TRPC3: variants seen among roughly 807,000 people sequenced by gnomAD.
TRPC3 encodes short transient receptor potential channel 3.
In TRPC3, 54 loss-of-function variants were observed where a neutral mutation model predicts 90.9. The observed-to-expected ratio is 0.59, with a 90% CI of 0.48 to 0.75. The LOEUF is 0.75. TRPC3 is among the 30% of genes least tolerant of loss of function. The probability of loss-of-function intolerance (pLI) is 0.00; values close to 1 mark genes in which losing one functional copy is unlikely to be tolerated. For missense variants in TRPC3, 918 were observed against 1,194.5 expected, an observed-to-expected ratio of 0.77 and a Z score of 3.41; for synonymous variants, 424 against 450.9, an observed-to-expected ratio of 0.94 and a Z score of 0.75.
At chr4:121,919,616 A>T (rs1729433700) in intron 3 of TRPC3, among the ~76,000 whole-genome samples, 1 of 151,404 alleles carries the variant, frequency 6.6e-6, no homozygotes, top group African/African-American at 2.4e-5. Context: ...TGTATTTACC[A>T]CTCTCTCATT....
At chr4:121,912,193 C>T in intron 4 of TRPC3, 100 bp from the exon 5 acceptor site, 2 of 973,634 alleles carry the variant, frequency 2.1e-6, no homozygotes, top group Non-Finnish European at 3.0e-6. Context: ...AAGGAGAACA[C>T]TCAAAATTCT....
intron 6 of TRPC3, among the ~76,000 whole-genome samples, 182 bp from the exon 7 acceptor site, chr4:121,907,749 A>G (rs1195127502): frequency 2.6e-5 from 4 of 152,114 alleles, no homozygotes; most frequent in Non-Finnish European, 5.9e-5. Flanking sequence ...CGTAAATTCT[A>G]TATTACTTTA....
chr4:121,921,921 T>G (rs1180979676), intron 3 of TRPC3, among the ~76,000 whole-genome samples: 38 of 115,604 alleles, frequency 3.3e-4, no homozygotes, highest in African/African-American at 1.1e-3. Flanking sequence ...TTTTTTTTGT[T>G]TTTTTTTTTT....
At chr4:121,927,810 T>G (rs191269652) in intron 2 of TRPC3, among the ~76,000 whole-genome samples, 1 of 152,362 alleles carries the variant, frequency 6.6e-6, no homozygotes, top group East Asian at 1.9e-4. Context: ...TCCATTCAAG[T>G]TGGTACCATG....
chr4:121,926,533 AGTAGCTG>A (rs1399303031), intron 2 of TRPC3, among the ~76,000 whole-genome samples: 1 of 151,482 alleles, frequency 6.6e-6, no homozygotes, highest in African/African-American at 2.4e-5. Flanking sequence ...CAGCCTCCCG[AGTAGCTG>A]GGATTATAGG....
intron 1 of TRPC3, among the ~76,000 whole-genome samples, chr4:121,943,030 A>G (rs537437045): frequency 5.4e-4 from 83 of 152,334 alleles, no homozygotes; most frequent in African/African-American, 1.9e-3. Context: ...TATCTCCCCA[A>G]TGATATTAAA....
intron 10 of TRPC3, among the ~76,000 whole-genome samples, chr4:121,890,765 G>A (rs1007777377): frequency 1.3e-5 from 2 of 152,102 alleles, no homozygotes; most frequent in Non-Finnish European, 2.9e-5. Context: ...GCCGAGATGG[G>A]TGGATCATGA....
intron 10 of TRPC3, among the ~76,000 whole-genome samples, chr4:121,887,137 T>A (rs145151828): frequency 1.2e-3 from 186 of 152,296 alleles, no homozygotes; most frequent in African/African-American, 4.3e-3. Flanking sequence ...TGACTGAAAG[T>A]CCCATACTCA....
intron 10 of TRPC3, among the ~76,000 whole-genome samples, chr4:121,898,323 A>G (rs1221816333): frequency 6.6e-6 from 1 of 152,242 alleles, no homozygotes; most frequent in Non-Finnish European, 1.5e-5. Flanking sequence ...CACAGCAGGA[A>G]GTGACAGGCT....
intron 10 of TRPC3, among the ~76,000 whole-genome samples, chr4:121,891,499 C>T (rs1728328566): frequency 6.6e-6 from 1 of 152,110 alleles, no homozygotes; most frequent in South Asian, 2.1e-4. Flanking sequence ...GAATATGTCA[C>T]CCCAAAATAT....
At chr4:121,919,609 A>G (rs552715353) in intron 3 of TRPC3, among the ~76,000 whole-genome samples, 11 of 152,126 alleles carry the variant, frequency 7.2e-5, no homozygotes, top group Non-Finnish European at 1.5e-4. Context: ...TCAGTGGTGT[A>G]TTTACCACTC....
chr4:121,894,581 TGAGACA>T (rs1728452802), intron 10 of TRPC3, among the ~76,000 whole-genome samples: 1 of 145,772 alleles, frequency 6.9e-6, no homozygotes, highest in African/African-American at 2.6e-5. Context: ...TTTTTTTTTT[TGAGACA>T]GTGTCTCACT....
intron 3 of TRPC3, among the ~76,000 whole-genome samples, chr4:121,922,012 G>A (rs1160619506): frequency 2.0e-5 from 3 of 149,400 alleles, no homozygotes; most frequent in Non-Finnish European, 4.4e-5. Context: ...TCCGCCTTCC[G>A]GGTTCATGAC....
At chr4:121,920,023 T>TG (rs75624045) in intron 3 of TRPC3, among the ~76,000 whole-genome samples, 3,397 of 152,194 alleles carry the variant, frequency 0.022, 159 homozygotes, top group East Asian at 0.21. Context: ...AGACTTTTGG[T>TG]GGGGGGCAAA....
intron 1 of TRPC3, among the ~76,000 whole-genome samples, chr4:121,945,604 G>A (rs1485771244): frequency 6.6e-6 from 1 of 152,126 alleles, no homozygotes; most frequent in African/African-American, 2.4e-5. Context: ...GTAGAGATAA[G>A]GCTGGAACCT....
chr4:121,887,830 T>C (rs544637358), intron 10 of TRPC3, among the ~76,000 whole-genome samples: 1 of 152,130 alleles, frequency 6.6e-6, no homozygotes, highest in Non-Finnish European at 1.5e-5. Flanking sequence ...AAATAAAATA[T>C]TGTTAAAATT....
At chr4:121,921,453 C>T (rs1404447388) in intron 3 of TRPC3, among the ~76,000 whole-genome samples, 4 of 130,620 alleles carry the variant, frequency 3.1e-5, no homozygotes, top group Non-Finnish European at 4.7e-5. Context: ...ACCCGGGAGG[C>T]GGAGCTTGCA....
At chr4:121,904,651 T>A in intron 7 of TRPC3, 134 bp from the exon 8 acceptor site, 1 of 529,526 alleles carries the variant, frequency 1.9e-6, no homozygotes, top group East Asian at 3.5e-5. Flanking sequence ...AAGAGCAGGA[T>A]TACTTTGTTA....
intron 10 of TRPC3, among the ~76,000 whole-genome samples, chr4:121,885,751 C>G (rs1337141103): frequency 6.6e-6 from 1 of 152,060 alleles, no homozygotes; most frequent in African/African-American, 2.4e-5. Flanking sequence ...TTAATTAAAG[C>G]TAGTACAAAA....
Sources: gnomAD v4.1 joint callset for allele counts (sites outside exome capture counted in the v4.1 genomes callset) on GRCh38, gnomAD v4.1.1 for gene constraint, MANE v1.5 for transcripts, NCBI Gene and HGNC (gene_info 2026-07-23, HGNC 2026-07-21) for gene names.